Variants in QTGAL observed in about 807,000 individuals in gnomAD.
QTGAL encodes the protein BGnT-like protein 1.
the QTGAL span, among the ~76,000 whole-genome samples, chr17:82,999,206 T>C: frequency 6.6e-6 from 1 of 151,684 alleles, no homozygotes; most frequent in Non-Finnish European, 1.5e-5. Context: ...ATGTTCACTG[T>C]CATGCACAAA....
the QTGAL span, among the ~76,000 whole-genome samples, chr17:83,043,240 C>A: frequency 6.6e-6 from 1 of 152,164 alleles, no homozygotes; most frequent in Non-Finnish European, 1.5e-5. Flanking sequence ...GTGTGCACAG[C>A]GCATTCTCCA....
At chr17:83,036,981 G>C in the QTGAL span, among the ~76,000 whole-genome samples, 1 of 152,118 alleles carries the variant, frequency 6.6e-6, no homozygotes, top group African/African-American at 2.4e-5. Context: ...CCAAAATGAG[G>C]GTGCTGAGGA....
chr17:83,020,680 C>T, the QTGAL span, among the ~76,000 whole-genome samples: 5 of 152,158 alleles, frequency 3.3e-5, no homozygotes, highest in African/African-American at 1.2e-4. Flanking sequence ...CCCGACCATC[C>T]GGTCATTTCT....
At chr17:83,022,294 A>C in the QTGAL span, among the ~76,000 whole-genome samples, 1 of 149,218 alleles carries the variant, frequency 6.7e-6, no homozygotes, top group African/African-American at 2.5e-5. Context: ...CCCCACCTGC[A>C]CCAGCGTGAA....
chr17:83,017,733 C>A, the QTGAL span, among the ~76,000 whole-genome samples: 1 of 152,236 alleles, frequency 6.6e-6, no homozygotes, highest in African/African-American at 2.4e-5. Context: ...ACACGGTGTG[C>A]CTGCATCGAG....
At chr17:83,024,600 C>A in the QTGAL span, among the ~76,000 whole-genome samples, 15 of 152,372 alleles carry the variant, frequency 9.8e-5, no homozygotes, top group African/African-American at 3.6e-4. Flanking sequence ...CTGTGCAGGG[C>A]CCCAACCCCA....
chr17:83,019,231 A>G, the QTGAL span, among the ~76,000 whole-genome samples: 2 of 152,198 alleles, frequency 1.3e-5, no homozygotes, highest in Non-Finnish European at 2.9e-5. Flanking sequence ...GACAGAGTCT[A>G]TGATGCAGGA....
At chr17:82,977,386 G>T in the QTGAL span, among the ~76,000 whole-genome samples, 2 of 152,206 alleles carry the variant, frequency 1.3e-5, no homozygotes, top group Non-Finnish European at 2.9e-5. Context: ...CTGAGGTCGG[G>T]TCTGGGGTTG....
chr17:83,021,426 G>T, the QTGAL span, among the ~76,000 whole-genome samples: 1 of 134,056 alleles, frequency 7.5e-6, no homozygotes, highest in African/African-American at 2.7e-5. Context: ...CTTTTCAATA[G>T]CACTGAAACC....
the QTGAL span, among the ~76,000 whole-genome samples, chr17:83,000,496 C>T: frequency 2.0e-5 from 3 of 152,238 alleles, no homozygotes; most frequent in Non-Finnish European, 2.9e-5. Context: ...TGTGAAAGAC[C>T]CCATATGTGG....
At chr17:82,986,868 G>A in the QTGAL span, among the ~76,000 whole-genome samples, 31 of 152,352 alleles carry the variant, frequency 2.0e-4, no homozygotes, top group East Asian at 3.9e-4. Flanking sequence ...AGAGGTGGAC[G>A]TCCTGGCACC....
At chr17:83,036,195 A>C in the QTGAL span, among the ~76,000 whole-genome samples, 1 of 152,248 alleles carries the variant, frequency 6.6e-6, no homozygotes. Context: ...GGAAACATAC[A>C]TGACAAGAAG....
chr17:83,028,215 CA>C, the QTGAL span, among the ~76,000 whole-genome samples: 5 of 151,884 alleles, frequency 3.3e-5, no homozygotes, highest in African/African-American at 1.2e-4. Context: ...TATGAATGGC[CA>C]ATAAACCCAC....
At chr17:83,036,282 G>A in the QTGAL span, among the ~76,000 whole-genome samples, 15 of 152,362 alleles carry the variant, frequency 9.8e-5, 1 homozygote, top group East Asian at 2.9e-3. Context: ...GCTGCTGGGT[G>A]GGGGCCCTGG....
chr17:82,978,771 T>G, the QTGAL span: 3 of 152,146 alleles, frequency 2.0e-5, no homozygotes, highest in African/African-American at 7.2e-5. The surrounding 1 kb of genome is among the most constrained non-coding windows in gnomAD (Gnocchi z 4.8). Flanking sequence ...ACGAATCCAG[T>G]TGAGTCTAGA....
chr17:82,954,921 C>T, the QTGAL span, among the ~76,000 whole-genome samples: 1 of 152,178 alleles, frequency 6.6e-6, no homozygotes, highest in Non-Finnish European at 1.5e-5. Context: ...GGAAAACTGG[C>T]TAGCCACATG....
the QTGAL span, among the ~76,000 whole-genome samples, chr17:82,976,348 GCCGGA>G: frequency 2.7e-5 from 2 of 72,876 alleles, no homozygotes; most frequent in Non-Finnish European, 5.0e-5. Context: ...CCGGGACAGA[GCCGGA>G]CTCCATCCTC....
At chr17:82,965,852 G>T in the QTGAL span, 11 of 1,183,048 alleles carry the variant, frequency 9.3e-6, no homozygotes, top group African/African-American at 1.5e-4. Context: ...AGATGAATCC[G>T]TGTCCCTTCT....
At chr17:83,005,950 G>A in the QTGAL span, 2,832 of 1,206,904 alleles carry the variant, frequency 2.3e-3, 64 homozygotes, top group African/African-American at 0.041. The surrounding 1 kb of genome is among the most constrained non-coding windows in gnomAD (Gnocchi z 5.6). Flanking sequence ...TCCAGAGGTA[G>A]GAGGGCAGGT....
Sources: gnomAD v4.1 joint callset for allele counts (sites outside exome capture counted in the v4.1 genomes callset) on GRCh38, gnomAD v4.1.1 for gene constraint, Gnocchi (gnomAD v3.1) non-coding constraint, MANE v1.5 for transcripts, NCBI Gene and HGNC (gene_info 2026-07-23, HGNC 2026-07-21) for gene names.